Variants in SOX6 observed in about 807,000 individuals in gnomAD.
SOX6 encodes the protein SRY-box transcription factor 6, also known as transcription factor SOX-6.
SOX6 carries 11 observed loss-of-function variants against 97.8 expected under a neutral mutation model. That is an observed-to-expected ratio of 0.11 (90% CI 0.07 to 0.19). The LOEUF is 0.19. Among genes scored for constraint, SOX6 ranks in the 10% least tolerant of loss-of-function variants. SOX6 has a pLI of 1.00. For synonymous variants in SOX6, 360 were observed against 371.4 expected (o/e 0.97, Z 0.35); for missense variants, 810 against 1,039.5 (o/e 0.78, Z 3.04).
Position 16,097,652 on chromosome 11 carries a change from A to G in SOX6, c.935T>C (p.Met312Thr). ...NYPVQFIPST[M>T]AAAAASGLSP... The stretch of plus-strand genomic sequence containing the variant: ...GAGTCCAGAAGCAGCAGCAGCTGCC[A>G]TTGTTGATGGAATGAACTGTACGGG... Residue 312 changes from methionine (M) to threonine (T), a missense_variant, in exon 8 of 16, where the codon ATG becomes ACG. Coordinates refer to ENST00000683767, the MANE Select transcript of SOX6 (RefSeq NM_001367873.1). 1.2e-6 allele frequency: 2 copies of G among 1,611,254 alleles called. No homozygotes were observed. Among genetic ancestry groups the G allele is most frequent in the Non-Finnish European group, 1.7e-6 (2 of 1,178,026 alleles).
At chr11:15,999,551 C>T (rs1854334718) in intron 13 of SOX6, among the ~76,000 whole-genome samples, 1 of 152,028 alleles carries the variant, frequency 6.6e-6, no homozygotes, top group South Asian at 2.1e-4. Context: ...AAAACAAAAA[C>T]CCCACAAAAT....
chr11:16,466,407 G>T (rs1860032932), intron 1 of SOX6, among the ~76,000 whole-genome samples: 1 of 152,006 alleles, frequency 6.6e-6, no homozygotes, highest in Non-Finnish European at 1.5e-5. Flanking sequence ...ACTTTTTCCT[G>T]AATTATAGAC....
intron 4 of SOX6, among the ~76,000 whole-genome samples, chr11:16,540,099 G>C (rs1767901043): frequency 6.6e-6 from 1 of 152,116 alleles, no homozygotes. Context: ...GAATCCAGCA[G>C]CACATGAAAA....
At chr11:16,358,971 G>T (rs2054743374), upstream of SOX6, among the ~76,000 whole-genome samples, 1 of 152,086 alleles carries the variant, frequency 6.6e-6, no homozygotes, top group African/African-American at 2.4e-5. Context: ...CTGCCAGACA[G>T]ACATACAGAG....
chr11:16,371,668 T>C (rs1857497525), intron 1 of SOX6, among the ~76,000 whole-genome samples: 1 of 152,142 alleles, frequency 6.6e-6, no homozygotes, highest in Admixed American at 6.6e-5. Context: ...CATAGACACA[T>C]TATGTGATAC....
chr11:16,105,116 C>T (rs542815872), intron 7 of SOX6, among the ~76,000 whole-genome samples: 279 of 152,042 alleles, frequency 1.8e-3, no homozygotes, highest in African/African-American at 6.6e-3. Flanking sequence ...TCCACTATCC[C>T]ATATAAATAT....
At chr11:16,594,741 A>G (rs1242827124) in intron 4 of SOX6, among the ~76,000 whole-genome samples, 17 of 109,552 alleles carry the variant, frequency 1.6e-4, no homozygotes, top group Non-Finnish European at 2.8e-4. Flanking sequence ...CCCAGGCTGT[A>G]GTGCAGTGGC....
intron 12 of SOX6, among the ~76,000 whole-genome samples, chr11:16,027,250 A>G (rs536344156): frequency 6.6e-6 from 1 of 152,230 alleles, no homozygotes; most frequent in Non-Finnish European, 1.5e-5. Context: ...AGAGGGAAAA[A>G]CTAAGATATA....
At chr11:16,466,930 C>CAAA (rs764424447) in intron 1 of SOX6, among the ~76,000 whole-genome samples, 1,496 of 39,334 alleles carry the variant, frequency 0.038, no homozygotes, top group Non-Finnish European at 0.047. Context: ...GACTCCGTCT[C>CAAA]AAAAAAAAAA....
At chr11:16,460,193 G>A (rs1034041582) in intron 1 of SOX6, among the ~76,000 whole-genome samples, 15 of 151,958 alleles carry the variant, frequency 9.9e-5, no homozygotes, top group African/African-American at 3.6e-4. Context: ...CAACCAAAAA[G>A]CCCATCTGAA....
intron 3 of SOX6, among the ~76,000 whole-genome samples, chr11:16,615,777 G>A (rs1016826551): frequency 6.6e-6 from 1 of 151,942 alleles, no homozygotes; most frequent in Non-Finnish European, 1.5e-5. Context: ...TGCTTAAGGC[G>A]GCCAAAACTA....
chr11:16,696,434 C>T (rs1282410276), intron 3 of SOX6, among the ~76,000 whole-genome samples: 1 of 152,094 alleles, frequency 6.6e-6, no homozygotes, highest in Non-Finnish European at 1.5e-5. Context: ...ATTTATCAAA[C>T]ACTCACTGAA....
chr11:16,539,088 A>G (rs567563656), intron 4 of SOX6, among the ~76,000 whole-genome samples: 2 of 152,376 alleles, frequency 1.3e-5, no homozygotes, highest in South Asian at 4.1e-4. Context: ...AACACTTCTC[A>G]GCAAATGTGA....
chr11:16,665,468 G>A (rs1440145091), intron 3 of SOX6, among the ~76,000 whole-genome samples: 3 of 152,196 alleles, frequency 2.0e-5, no homozygotes, highest in Non-Finnish European at 2.9e-5. Flanking sequence ...ACTAAGGGGG[G>A]AAAACAGTGG....
At chr11:15,976,738 G>T (rs1853497959) in intron 15 of SOX6, among the ~76,000 whole-genome samples, 1 of 152,020 alleles carries the variant, frequency 6.6e-6, no homozygotes, top group African/African-American at 2.4e-5. Context: ...TGTTTAAAAA[G>T]AAAAAAGTCC....
At chr11:16,416,071 A>G (rs1858920904) in intron 1 of SOX6, among the ~76,000 whole-genome samples, 1 of 152,154 alleles carries the variant, frequency 6.6e-6, no homozygotes, top group South Asian at 2.1e-4. Context: ...CATGGTGCTC[A>G]CCTCGTAAGG....
chr11:16,219,706 G>A (rs749730120), intron 4 of SOX6, among the ~76,000 whole-genome samples: 5 of 151,994 alleles, frequency 3.3e-5, no homozygotes, highest in African/African-American at 7.2e-5. Context: ...GGTTAGCCCA[G>A]TAATTTTTTA....
At chr11:16,156,776 T>A (rs1228132387) in intron 6 of SOX6, among the ~76,000 whole-genome samples, 2 of 152,012 alleles carry the variant, frequency 1.3e-5, no homozygotes, top group Non-Finnish European at 1.5e-5. Context: ...TTTACCCTAA[T>A]ATCCATGTCT....
intron 3 of SOX6, among the ~76,000 whole-genome samples, chr11:16,241,916 T>C (rs1853206605): frequency 1.3e-5 from 2 of 152,140 alleles, no homozygotes; most frequent in Admixed American, 1.3e-4. Context: ...CATCCCAAAA[T>C]AGATAAAACA....
Sources: allele counts gnomAD v4.1 joint callset (sites outside exome capture counted in the v4.1 genomes callset), GRCh38; gene constraint gnomAD v4.1.1; transcripts MANE v1.5; gene names NCBI Gene and HGNC (gene_info 2026-07-23, HGNC 2026-07-21).